Variants in ANO4 observed in about 807,000 individuals in gnomAD.
The protein encoded by ANO4 is anoctamin-4.
A neutral mutation model predicts 141.9 loss-of-function variants in ANO4; 69 were observed. The ratio of observed to expected loss-of-function variants is 0.49; its 90% CI spans 0.40 to 0.59. ANO4 has a LOEUF of 0.59. ANO4 is among the 20% of genes least tolerant of loss of function. The pLI is 0.00. For missense variants in ANO4, 894 were observed against 1,162.2 expected (o/e 0.77, Z 3.36); for synonymous variants, 350 against 394.3 (o/e 0.89, Z 1.33).
intron 8 of ANO4, among the ~76,000 whole-genome samples, chr12:100,998,982 C>T (rs1353854920): frequency 6.6e-6 from 1 of 152,120 alleles, no homozygotes; most frequent in African/African-American, 2.4e-5. Context: ...GAACCTGGGG[C>T]ACAGAAGGGT....
chr12:100,967,965 G>A (rs2136259030), intron 5 of ANO4, among the ~76,000 whole-genome samples: 1 of 152,308 alleles, frequency 6.6e-6, no homozygotes. Context: ...GTTTGGCTGT[G>A]GGTGAGCCAC....
chr12:100,948,960 TA>T (rs1412806333), intron 5 of ANO4, among the ~76,000 whole-genome samples: 1 of 152,170 alleles, frequency 6.6e-6, no homozygotes, highest in Non-Finnish European at 1.5e-5. Context: ...TTTGAAGAAG[TA>T]AGCTACCATA....
chr12:101,086,848 C>T, intron 17 of ANO4, 24 bp downstream of exon 17: 1 of 1,607,666 alleles, frequency 6.2e-7, no homozygotes, highest in Non-Finnish European at 8.5e-7. Context: ...AGTGGCTAGC[C>T]AAACGGATCA....
At chr12:100,880,307 T>C (rs2135953986) in intron 1 of ANO4, among the ~76,000 whole-genome samples, 1 of 152,302 alleles carries the variant, frequency 6.6e-6, no homozygotes, top group South Asian at 2.1e-4. Context: ...GTAATAGCAA[T>C]GGCTAATATT....
At position 100,919,726 on chromosome 12, in the gene ANO4, G is replaced by GTGTATGTA. The variant is rs201155811; in HGVS notation, c.56-2494_56-2487dup. 8.1e-3 allele frequency among the ~76,000 whole-genome samples: 1,065 copies of GTGTATGTA among 131,838 alleles called. 20 individuals are homozygous for GTGTATGTA. Among genetic ancestry groups the GTGTATGTA allele is most frequent in the Admixed American group, 0.018 (240 of 13,050 alleles). 86.5% of individuals were successfully genotyped at this position (131,838 alleles called of 152,430 possible). A position where few individuals can be genotyped will look rare whatever the true frequency, so the allele number is the denominator to read the frequency against. On this transcript the variant is annotated intron_variant, in intron 2 of 27. Coordinates refer to ENST00000392977, the MANE Select transcript of ANO4 (RefSeq NM_001286615.2). The stretch of plus-strand genomic sequence containing the variant: ...TGTGTATGTATGTATGTATGTATGT[G>GTGTATGTA]TGTATGTATGTATCTATCTATCTAT...
At chr12:101,067,475 A>T (rs1029662889) in intron 14 of ANO4, among the ~76,000 whole-genome samples, 1 of 152,204 alleles carries the variant, frequency 6.6e-6, no homozygotes, top group Non-Finnish European at 1.5e-5. Flanking sequence ...TGAGCTCAAG[A>T]TTTCAAGACC....
chr12:101,075,573 CAA>C (rs1246253505), intron 14 of ANO4, among the ~76,000 whole-genome samples: 2 of 148,284 alleles, frequency 1.3e-5, no homozygotes, highest in Admixed American at 6.7e-5. Flanking sequence ...CTTTTGAGAA[CAA>C]AGTCATAAAA....
chr12:100,831,582 G>T (rs1368139514), intron 1 of ANO4, among the ~76,000 whole-genome samples: 3 of 152,100 alleles, frequency 2.0e-5, no homozygotes, highest in African/African-American at 7.2e-5. Context: ...CCTCAGTGTG[G>T]TAACACAAGG....
At chr12:100,750,315 T>G (rs929780595) in intron 3 of ANO4, among the ~76,000 whole-genome samples, 35 of 150,222 alleles carry the variant, frequency 2.3e-4, no homozygotes, top group Non-Finnish European at 4.7e-4. Context: ...TTTTTTTTTT[T>G]GTATTTTTAG....
chr12:100,860,862 T>G (rs1347193167), intron 1 of ANO4, among the ~76,000 whole-genome samples: 3 of 152,236 alleles, frequency 2.0e-5, no homozygotes, highest in African/African-American at 7.2e-5. Flanking sequence ...TCACAGTGTG[T>G]CCAGAGTTCG....
chr12:100,970,516 C>T (rs1016128972), intron 5 of ANO4, among the ~76,000 whole-genome samples: 3 of 152,176 alleles, frequency 2.0e-5, no homozygotes, highest in African/African-American at 7.2e-5. Flanking sequence ...GCTCACATGT[C>T]ACTTCCACAG....
chr12:100,865,734 G>A (rs2038721343), intron 1 of ANO4, among the ~76,000 whole-genome samples: 1 of 152,164 alleles, frequency 6.6e-6, no homozygotes, highest in Non-Finnish European at 1.5e-5. Context: ...ACTCAAATTA[G>A]GATAATTCAA....
chr12:100,919,065 G>A (rs2041482826), intron 2 of ANO4, among the ~76,000 whole-genome samples: 1 of 152,008 alleles, frequency 6.6e-6, no homozygotes, highest in Admixed American at 6.6e-5. Flanking sequence ...ATAGAATATG[G>A]ATATAAAGAA....
chr12:100,773,293 G>A (rs187553556), intron 3 of ANO4, among the ~76,000 whole-genome samples: 9 of 152,132 alleles, frequency 5.9e-5, no homozygotes, highest in Non-Finnish European at 1.2e-4. Context: ...TCACCTTAGG[G>A]TTTATGTTCT....
intron 3 of ANO4, among the ~76,000 whole-genome samples, chr12:100,748,430 A>G (rs2032212512): frequency 6.6e-6 from 1 of 152,102 alleles, no homozygotes; most frequent in Admixed American, 6.6e-5. Context: ...CTTGCACACC[A>G]TGTGCCCAGC....
At position 100,916,398 on chromosome 12, in the gene ANO4, A is replaced by G. The variant is rs558800713; in HGVS notation, c.56-5828A>G. Among the ~76,000 whole-genome samples, 3 of 152,278 alleles carry G rather than the reference A, an allele frequency of 2.0e-5. No homozygotes were observed. In the South Asian group the frequency reaches 6.2e-4, roughly 32 times the overall value. On this transcript the variant is annotated intron_variant, in intron 2 of 27. Coordinates refer to ENST00000392977, the MANE Select transcript of ANO4 (RefSeq NM_001286615.2). The stretch of plus-strand genomic sequence containing the variant: ...AAAAATCAGAGCGTCTTCTTAGTTT[A>G]TATTCATTATTGTTATTCATAATGT...
At chr12:100,794,465 C>T (rs774720463), upstream of ANO4, 1 of 152,192 alleles carries the variant, frequency 6.6e-6, no homozygotes, top group African/African-American at 2.4e-5. Context: ...TGCCAATCCT[C>T]CCAAATTTCT....
rs748547193 is a variant in ANO4, at chr12:101,048,376, C to T, written c.1287C>T (p.Phe429=). The T allele has an allele frequency of 6.2e-7, 1 of 1,613,568 alleles. No individual in the cohort carries two copies. The highest frequency in any genetic ancestry group is 1.7e-5 in the Admixed American group (1 of 59,988). The change falls in exon 14 of 28, where the codon TTC becomes TTT. Residue 429 remains phenylalanine (F), a synonymous_variant. Coordinates refer to ENST00000392977, the MANE Select transcript of ANO4 (RefSeq NM_001286615.2). The part of the protein sequence containing the change: ...THLFDNGATV[F]FAVFMAVWAT... ...TTTTTGACAATGGAGCCACTGTCTTCTTTGCTGTTTTCATGGCAGTCTGGG... is the reference window on the plus strand; with the variant it reads ...TTTTTGACAATGGAGCCACTGTCTTTTTTGCTGTTTTCATGGCAGTCTGGG...
At chr12:100,742,390 TA>T (rs146706264) in intron 3 of ANO4, among the ~76,000 whole-genome samples, 1 of 152,156 alleles carries the variant, frequency 6.6e-6, no homozygotes, top group Non-Finnish European at 1.5e-5. Flanking sequence ...TCATTTTGTT[TA>T]AAAAATACAG....
Sources: allele counts gnomAD v4.1 joint callset (sites outside exome capture counted in the v4.1 genomes callset), GRCh38; gene constraint gnomAD v4.1.1; transcripts MANE v1.5; gene names NCBI Gene and HGNC (gene_info 2026-07-23, HGNC 2026-07-21).